Variants in SCHIP1 observed in about 807,000 individuals in gnomAD.
SCHIP1 encodes the protein schwannomin-interacting protein 1.
SCHIP1 carries 8 observed loss-of-function variants against 29.7 expected under a neutral mutation model. That is an observed-to-expected ratio of 0.27 (90% CI 0.16 to 0.49). The LOEUF is 0.49. Ranked by LOEUF, SCHIP1 falls within the 20% of genes least tolerant of loss-of-function variation. The pLI is 0.99. For synonymous variants in SCHIP1, 76 were observed against 94.9 expected (o/e 0.80, Z 1.16); for missense variants, 193 against 294.6 (o/e 0.66, Z 2.52).
At chr3:159,335,593 G>T in the SCHIP1 span, among the ~76,000 whole-genome samples, 1 of 152,108 alleles carries the variant, frequency 6.6e-6, no homozygotes, top group Non-Finnish European at 1.5e-5. Flanking sequence ...AACATGTGGT[G>T]ATTGGTTTTT....
the SCHIP1 span, among the ~76,000 whole-genome samples, chr3:159,422,701 G>A: frequency 1.3e-5 from 2 of 152,064 alleles, no homozygotes; most frequent in Non-Finnish European, 2.9e-5. Context: ...TCATACCTAT[G>A]TACTCTTTTG....
At chr3:159,432,550 T>A in the SCHIP1 span, among the ~76,000 whole-genome samples, 1 of 152,112 alleles carries the variant, frequency 6.6e-6, no homozygotes, top group Non-Finnish European at 1.5e-5. Context: ...ATCAAGGAAC[T>A]TGTGGACAGC....
the SCHIP1 span, among the ~76,000 whole-genome samples, chr3:159,429,931 G>A: frequency 1.3e-4 from 20 of 152,146 alleles, no homozygotes; most frequent in Non-Finnish European, 2.4e-4. Flanking sequence ...TGATTTGATA[G>A]CTCCTGAGGA....
the SCHIP1 span, among the ~76,000 whole-genome samples, chr3:159,539,118 A>G: frequency 3.9e-5 from 6 of 152,168 alleles, no homozygotes; most frequent in East Asian, 1.2e-3. Flanking sequence ...TGCAATATGA[A>G]CCCATAAAGA....
the SCHIP1 span, among the ~76,000 whole-genome samples, chr3:159,755,006 T>C: frequency 1.3e-5 from 2 of 152,090 alleles, no homozygotes; most frequent in Non-Finnish European, 2.9e-5. Context: ...GAGGCCTGAG[T>C]GGGTGGATCA....
the SCHIP1 span, among the ~76,000 whole-genome samples, chr3:159,522,368 C>T: frequency 5.3e-5 from 8 of 152,034 alleles, no homozygotes; most frequent in African/African-American, 1.2e-4. Flanking sequence ...AAGCATAGGG[C>T]GTGTGTCTCA....
the SCHIP1 span, among the ~76,000 whole-genome samples, chr3:159,632,308 G>C: frequency 2.6e-5 from 4 of 152,210 alleles, no homozygotes; most frequent in Non-Finnish European, 4.4e-5. Context: ...ACTTCAAAGA[G>C]ACACTTCTCC....
the SCHIP1 span, among the ~76,000 whole-genome samples, chr3:159,533,906 T>C: frequency 6.6e-6 from 1 of 152,180 alleles, no homozygotes; most frequent in Admixed American, 6.5e-5. Context: ...GGAATACTTT[T>C]TTAAACAAAA....
chr3:159,756,740 T>G, the SCHIP1 span, among the ~76,000 whole-genome samples: 1 of 152,246 alleles, frequency 6.6e-6, no homozygotes, highest in Non-Finnish European at 1.5e-5. Context: ...TAACAGCACC[T>G]AAGTCACCTT....
At chr3:159,577,814 A>T in the SCHIP1 span, among the ~76,000 whole-genome samples, 1 of 152,354 alleles carries the variant, frequency 6.6e-6, no homozygotes, top group Non-Finnish European at 1.5e-5. Context: ...AGGATTTGCC[A>T]TAGAAAATCC....
chr3:159,500,426 A>G, the SCHIP1 span, among the ~76,000 whole-genome samples: 1 of 152,190 alleles, frequency 6.6e-6, no homozygotes, highest in Admixed American at 6.5e-5. Flanking sequence ...AAGAAAAAAG[A>G]GACCAGGCTG....
the SCHIP1 span, among the ~76,000 whole-genome samples, chr3:159,414,749 G>GTT: frequency 6.6e-6 from 1 of 152,090 alleles, no homozygotes; most frequent in African/African-American, 2.4e-5. Flanking sequence ...GGGGTTGGAG[G>GTT]GCAGGGATGG....
chr3:159,844,742 C>T (rs1048225552), intron 1 of SCHIP1, among the ~76,000 whole-genome samples: 1 of 152,172 alleles, frequency 6.6e-6, no homozygotes, highest in Non-Finnish European at 1.5e-5. Context: ...TTTTTTCCCT[C>T]TTTCCTGGAG....
chr3:159,517,516 G>C, the SCHIP1 span, among the ~76,000 whole-genome samples: 6 of 152,122 alleles, frequency 3.9e-5, no homozygotes, highest in Admixed American at 1.3e-4. Context: ...AGTAAGTGTA[G>C]AAATGCTTTC....
At chr3:159,853,923 C>G (rs1463514) in intron 1 of SCHIP1, among the ~76,000 whole-genome samples, 114,712 of 152,170 alleles carry the variant, frequency 0.75, 44,047 homozygotes, top group East Asian at 0.99. Context: ...TTCATCTTTT[C>G]CCTGCCCTTT....
the SCHIP1 span, among the ~76,000 whole-genome samples, chr3:159,811,873 G>A: frequency 6.6e-6 from 1 of 151,946 alleles, no homozygotes; most frequent in African/African-American, 2.4e-5. Context: ...TCACGTTGAG[G>A]GGCATTGCTA....
rs1399587352 is a variant in SCHIP1, at chr3:159,892,405, G to T, written c.683+215G>T. On this transcript the variant is annotated intron_variant, in intron 6 of 6. Transcript: ENST00000445224. ...TTAGCAACCATCCCCCCCTTGTGAT[G>T]AATTGTCAGTGCATTACTTCTCACA... 1.8e-5 allele frequency: 11 copies of T among 614,698 alleles called. 1 individual carries two copies. Among genetic ancestry groups the T allele is most frequent in the Non-Finnish European group, 3.2e-5 (11 of 349,044 alleles). 38.1% of individuals were successfully genotyped at this position (614,698 alleles called of 1,614,324 possible). A position where few individuals can be genotyped will look rare whatever the true frequency, so the allele number is the denominator to read the frequency against.
At chr3:159,526,688 T>A in the SCHIP1 span, among the ~76,000 whole-genome samples, 1 of 152,212 alleles carries the variant, frequency 6.6e-6, no homozygotes, top group Non-Finnish European at 1.5e-5. Flanking sequence ...CTGTTTGTTT[T>A]TGTTGTTGTT....
the SCHIP1 span, among the ~76,000 whole-genome samples, chr3:159,419,001 A>T: frequency 2.6e-5 from 4 of 152,362 alleles, no homozygotes; most frequent in Admixed American, 6.5e-5. Flanking sequence ...CATGCAAGAA[A>T]ATGGTGATAT....
Sources: allele counts gnomAD v4.1 joint callset (sites outside exome capture counted in the v4.1 genomes callset), GRCh38; gene constraint gnomAD v4.1.1; transcripts MANE v1.5; gene names NCBI Gene and HGNC (gene_info 2026-07-23, HGNC 2026-07-21).